PARP8: variants seen among roughly 807,000 people sequenced by gnomAD.
PARP8 encodes the protein poly(ADP-ribose) polymerase family member 8.
PARP8 carries 51 observed loss-of-function variants against 124.1 expected under a neutral mutation model. That is an observed-to-expected ratio of 0.41 (90% confidence interval 0.33 to 0.52). PARP8 has a LOEUF of 0.52. Among genes scored for constraint, PARP8 ranks in the 20% least tolerant of loss-of-function variants. The pLI is 0.21. For synonymous variants in PARP8, 391 were observed against 361.5 expected (o/e 1.08, Z -0.93); for missense variants, 860 against 1,018.9 (o/e 0.84, Z 2.12).
In PARP8 at chr5:50,821,438, C is replaced by T. The variant is rs1745758257; in HGVS notation, c.1794+100C>T. 5 of 1,320,542 alleles carry T rather than the reference C, an allele frequency of 3.8e-6. No homozygotes were observed. In the Admixed American group the frequency reaches 9.5e-5, roughly 25 times the overall value. 81.8% of individuals were successfully genotyped at this position (1,320,542 alleles called of 1,614,324 possible). ...TTAGGTTTCCTCTTTCTATCTAAAT[C>T]TCTATCTCATCAAGCATATCCATGA... is the stretch of plus-strand genomic sequence containing the variant. On this transcript the variant is annotated intron_variant, in intron 16 of 25. Transcript: ENST00000281631.
chr5:50,741,766 C>A (rs534304338), intron 2 of PARP8: 73 of 414,928 alleles, frequency 1.8e-4, no homozygotes, highest in South Asian at 1.2e-3. Flanking sequence ...AAGGGTAATA[C>A]GTAATTTATT....
At chr5:50,823,728 A>G (rs1746028717) in intron 17 of PARP8, among the ~76,000 whole-genome samples, 1 of 152,250 alleles carries the variant, frequency 6.6e-6, no homozygotes, top group Non-Finnish European at 1.5e-5. Context: ...CTCTGGAATC[A>G]GCTCTCTGCC....
chr5:50,757,973 G>A (rs1037297109), intron 3 of PARP8, among the ~76,000 whole-genome samples: 6 of 151,858 alleles, frequency 4.0e-5, no homozygotes, highest in Non-Finnish European at 5.9e-5. Flanking sequence ...TTAGCTCCAG[G>A]GACTCCATTG....
intron 2 of PARP8, among the ~76,000 whole-genome samples, chr5:50,740,623 A>G (rs773373325): frequency 9.2e-5 from 14 of 151,938 alleles, no homozygotes; most frequent in Non-Finnish European, 1.9e-4. Context: ...CAGCCTGACC[A>G]ACATACTGAG....
intron 2 of PARP8, among the ~76,000 whole-genome samples, chr5:50,681,169 T>A (rs1228291664): frequency 1.3e-5 from 2 of 152,206 alleles, no homozygotes; most frequent in Non-Finnish European, 2.9e-5. Context: ...GAAAATATTT[T>A]TCTTAAAATT....
intron 9 of PARP8, among the ~76,000 whole-genome samples, chr5:50,787,567 T>G (rs946210704): frequency 1.3e-5 from 2 of 152,156 alleles, no homozygotes; most frequent in Admixed American, 1.3e-4. Flanking sequence ...TATCTATTTT[T>G]CTATCTGTTT....
chr5:50,731,240 A>C (rs918779258), intron 2 of PARP8, among the ~76,000 whole-genome samples: 3 of 152,220 alleles, frequency 2.0e-5, no homozygotes, highest in African/African-American at 7.2e-5. Flanking sequence ...TCACATGTAC[A>C]TTTTTTTCCA....
chr5:50,724,265 A>G (rs1475320905), intron 2 of PARP8, among the ~76,000 whole-genome samples: 1 of 152,170 alleles, frequency 6.6e-6, no homozygotes, highest in East Asian at 1.9e-4. Context: ...ATTATATTAT[A>G]TATGTGAAAA....
chr5:50,680,638 A>C (rs892740337), intron 2 of PARP8, among the ~76,000 whole-genome samples: 1 of 152,202 alleles, frequency 6.6e-6, no homozygotes, highest in African/African-American at 2.4e-5. Context: ...CACACATTCC[A>C]TAAATAAAAA....
In PARP8 at chr5:50,750,503, G is replaced by A. The variant is rs983485946; in HGVS notation, c.184+315G>A. On this transcript the variant is annotated intron_variant, in intron 3 of 25. Coordinates refer to ENST00000281631, the MANE Select transcript of PARP8 (RefSeq NM_024615.4). ...AATTGTTAGTTTTGAACATCATTTG[G>A]CCTTTCATAATGTAAAAATAATAGG... Among the ~76,000 whole-genome samples, 135 of 152,016 alleles carry A rather than the reference G, an allele frequency of 8.9e-4. 1 individual carries two copies. The highest frequency in any genetic ancestry group is 3.2e-3 in the African/African-American group (131 of 41,482).
intron 2 of PARP8, among the ~76,000 whole-genome samples, chr5:50,740,148 A>C (rs1757903127): frequency 6.6e-6 from 1 of 152,202 alleles, no homozygotes; most frequent in Admixed American, 6.5e-5. Flanking sequence ...CAATGGGAAG[A>C]AAACAGGTGC....
chr5:50,844,327 A>G lies in PARP8; in HGVS notation c.*2259A>G, dbSNP rs919129876. 4 of 151,984 alleles carry G rather than the reference A, an allele frequency of 2.6e-5. No individual in the cohort carries two copies. The highest frequency in any genetic ancestry group is 1.9e-4 in the East Asian group (1 of 5,170). 9.4% of individuals were successfully genotyped at this position (151,984 alleles called of 1,614,324 possible). A position where few individuals can be genotyped will look rare whatever the true frequency, so the allele number is the denominator to read the frequency against. ...AATTGCGTCAGAACCTTTGTAAGCAAATATTCTAAGGAGAATCAATCTTAT... is the reference window on the plus strand; with the variant it reads ...AATTGCGTCAGAACCTTTGTAAGCAGATATTCTAAGGAGAATCAATCTTAT... On this transcript the variant is annotated 3_prime_UTR_variant, in exon 26 of 26. Transcript: ENST00000281631.
At chr5:50,671,644 T>C (rs1192747223) in intron 2 of PARP8, among the ~76,000 whole-genome samples, 1 of 152,142 alleles carries the variant, frequency 6.6e-6, no homozygotes, top group East Asian at 1.9e-4. Context: ...ATATAAAATA[T>C]ATATGCATCC....
intron 17 of PARP8, among the ~76,000 whole-genome samples, chr5:50,822,919 G>T (rs1319613769): frequency 1.3e-5 from 2 of 152,170 alleles, no homozygotes; most frequent in Admixed American, 6.5e-5. Flanking sequence ...AAGGATCGGG[G>T]TTTGTTAGGA....
chr5:50,712,407 G>A (rs951800052), intron 2 of PARP8, among the ~76,000 whole-genome samples: 1 of 152,064 alleles, frequency 6.6e-6, no homozygotes, highest in African/African-American at 2.4e-5. Context: ...TACCGTTGAT[G>A]GCAGAAACTA....
Position 50,794,885 on chromosome 5 carries a change from A to G in PARP8, c.896A>G (p.Lys299Arg), listed in dbSNP as rs777404837. The G allele has an allele frequency of 6.2e-7, 1 of 1,614,078 alleles. No individual in the cohort carries two copies. Among genetic ancestry groups the G allele is most frequent in the South Asian group, 1.1e-5 (1 of 91,080 alleles). The stretch of plus-strand genomic sequence containing the variant: ...AGTTATCCTCCCCCTGGTTGTGGCA[A>G]AAGCAAATCCAAACTGAAATCTGAG... ...SPSYPPPGCG[K>R]SKSKLKSEQD... The change falls in exon 12 of 26, where the codon AAA becomes AGA. Residue 299 changes from lysine to arginine, a missense_variant. Physicochemically the swap from Lys to Arg is conservative, Grantham distance 26. Coordinates refer to ENST00000281631, the MANE Select transcript of PARP8 (RefSeq NM_024615.4).
intron 22 of PARP8, among the ~76,000 whole-genome samples, chr5:50,831,974 T>A (rs1210735629): frequency 6.6e-6 from 1 of 152,166 alleles, no homozygotes; most frequent in African/African-American, 2.4e-5. Flanking sequence ...ATCCTTTGCT[T>A]TTTGTTCAGA....
intron 14 of PARP8, among the ~76,000 whole-genome samples, chr5:50,803,930 A>G (rs1399879200): frequency 6.6e-6 from 1 of 152,078 alleles, no homozygotes; most frequent in African/African-American, 2.4e-5. Flanking sequence ...TGGGATTTAG[A>G]TCTCGCCAAA....
At position 50,754,721 on chromosome 5, in the gene PARP8, G is replaced by A. The variant is rs369335666; in HGVS notation, c.184+4533G>A. ...CCCAGTAATGGGATGGCTGGGTCAA[G>A]TGGTATTTCTAGTTCTAGATCCCTG... On this transcript the variant is annotated intron_variant, in intron 3 of 25. Transcript: ENST00000281631. 1.8e-3 allele frequency among the ~76,000 whole-genome samples: 280 copies of A among 152,232 alleles called. 1 individual carries two copies. Among genetic ancestry groups the A allele is most frequent in the African/African-American group, 6.2e-3 (259 of 41,556 alleles).
Sources: gnomAD v4.1 joint callset for allele counts (sites outside exome capture counted in the v4.1 genomes callset) on GRCh38, gnomAD v4.1.1 for gene constraint, MANE v1.5 for transcripts, NCBI Gene and HGNC (gene_info 2026-07-23, HGNC 2026-07-21) for gene names.